Variants in CDCA2 observed in about 807,000 individuals in gnomAD.
CDCA2 encodes cell division cycle-associated protein 2.
CDCA2 carries 44 observed loss-of-function variants against 67.0 expected under a neutral mutation model. The ratio of observed to expected loss-of-function variants is 0.66; its 90% CI spans 0.52 to 0.84. The LOEUF is 0.84. Among genes scored for constraint, CDCA2 ranks in the 40% least tolerant of loss-of-function variants. The pLI, the probability that CDCA2 is intolerant of heterozygous loss-of-function variation, is 0.00. For missense variants in CDCA2, 1,253 were observed against 1,203.2 expected, an observed-to-expected ratio of 1.04 and a Z score of -0.61; for synonymous variants, 447 against 418.7, an observed-to-expected ratio of 1.07 and a Z score of -0.82.
chr8:25,504,252 T>A (rs1455809481), intron 14 of CDCA2, among the ~76,000 whole-genome samples: 1 of 152,056 alleles, frequency 6.6e-6, no homozygotes, highest in Non-Finnish European at 1.5e-5. Context: ...ATGCCCAAAT[T>A]TTAAATGGAC....
chr8:25,481,233 C>CAAAAAAAAA (rs11438950), intron 8 of CDCA2, among the ~76,000 whole-genome samples: 1 of 128,760 alleles, frequency 7.8e-6, no homozygotes. Flanking sequence ...CAGTCTGGGA[C>CAAAAAAAAA]AAAAAAAAAA....
In CDCA2 at chr8:25,487,336, T is replaced by C. The variant is rs202194290; in HGVS notation, c.1533+2T>C. 3.5e-5 allele frequency: 55 copies of C among 1,573,324 alleles called. No individual in the cohort carries two copies. The highest frequency in any genetic ancestry group is 4.5e-5 in the Non-Finnish European group (52 of 1,145,698). ...ACAAGGACTTCTAACAGAAGAAATG[T>C]AAGTGTTTGTGTTTGGCACAACGTA... is the stretch of plus-strand genomic sequence containing the variant. On this transcript the variant is annotated splice_donor_variant, in intron 12 of 14. Transcript: ENST00000330560. LOFTEE classifies it high-confidence loss of function.
intron 7 of CDCA2, chr8:25,479,643 A>G: frequency 2.1e-6 from 1 of 469,862 alleles, no homozygotes; most frequent in Non-Finnish European, 3.9e-6. Context: ...CCTTCTTTCA[A>G]CCTCTGACTC....
At position 25,488,676 on chromosome 8, in the gene CDCA2, C is replaced by T; in HGVS notation, c.1658C>T (p.Pro553Leu). Residue 553 changes from proline to leucine, a missense_variant, in exon 13 of 15, where the codon CCT becomes CTT. Pro to Leu is a moderately conservative substitution (Grantham distance 98). Coordinates refer to ENST00000330560, the MANE Select transcript of CDCA2 (RefSeq NM_152562.4). ...ACAAAGTGTACAAAGAGAGCACTTC[C>T]TAAGAAGAGTCAGGTAAGCATGTGT... is the stretch of plus-strand genomic sequence containing the variant. ...QETKCTKRAL[P>L]KKSQVLKSCR... 6.2e-7 allele frequency: 1 copy of T among 1,604,958 alleles called. No homozygotes were observed. Among genetic ancestry groups the T allele is most frequent in the East Asian group, 2.2e-5 (1 of 44,496 alleles).
At chr8:25,503,649 C>A in intron 14 of CDCA2, 105 bp downstream of exon 14, 2 of 1,137,440 alleles carry the variant, frequency 1.8e-6, no homozygotes, top group Non-Finnish European at 2.5e-6. Context: ...GTAAAGAGTA[C>A]GTAAATTTTA....
intron 4 of CDCA2, among the ~76,000 whole-genome samples, chr8:25,465,855 G>A (rs774393086): frequency 6.6e-6 from 1 of 152,180 alleles, no homozygotes; most frequent in Non-Finnish European, 1.5e-5. Context: ...GATACATCCA[G>A]CACAACATTT....
chr8:25,469,869 G>A (rs1586473813), intron 6 of CDCA2, 27 bp from the exon 7 acceptor site: 1 of 1,465,372 alleles, frequency 6.8e-7, no homozygotes, highest in Non-Finnish European at 9.5e-7. Flanking sequence ...TTAATAAAAT[G>A]TAATACTCTT....
rs1372649307 is a variant in CDCA2 at position 25,507,271 on chromosome 8, C to A, written c.2605C>A (p.Leu869Met). Residue 869 changes from leucine (L) to methionine (M), a missense_variant, in exon 15 of 15, where the codon CTG becomes ATG. Leu to Met is a conservative substitution (Grantham distance 15). Coordinates refer to ENST00000330560, the MANE Select transcript of CDCA2 (RefSeq NM_152562.4). ...AGAAATTAGTTTAGAAAATTCTGAA[C>A]TGTTTAAAGATTTGTCTGATGCCAT... The part of the protein sequence containing the change: ...SVEISLENSE[L>M]FKDLSDAIEQ... The A allele has an allele frequency of 6.2e-7, 1 of 1,614,120 alleles. No homozygotes were observed. The highest frequency in any genetic ancestry group is 8.5e-7 in the Non-Finnish European group (1 of 1,180,034).
intron 13 of CDCA2, among the ~76,000 whole-genome samples, chr8:25,498,098 A>T (rs1804308104): frequency 6.6e-6 from 1 of 152,080 alleles, no homozygotes. Flanking sequence ...TCCTGATTAG[A>T]ACAGTTGTTT....
chr8:25,500,671 T>TAA (rs905470180), intron 13 of CDCA2, among the ~76,000 whole-genome samples: 1 of 151,980 alleles, frequency 6.6e-6, no homozygotes, highest in African/African-American at 2.4e-5. Context: ...CATGCCTGGC[T>TAA]AAAAAAAATA....
At chr8:25,491,754 C>G (rs564756713) in intron 13 of CDCA2, among the ~76,000 whole-genome samples, 2 of 152,014 alleles carry the variant, frequency 1.3e-5, no homozygotes, top group South Asian at 4.1e-4. Flanking sequence ...GTAGCTGGGA[C>G]TACAGGTGCA....
chr8:25,484,251 T>G (rs754200401), intron 10 of CDCA2, 41 bp downstream of exon 10: 25 of 1,602,406 alleles, frequency 1.6e-5, no homozygotes, highest in Non-Finnish European at 2.0e-5. Flanking sequence ...CATATGTATT[T>G]TCATCAGGCT....
chr8:25,500,049 GTAA>G, intron 13 of CDCA2, among the ~76,000 whole-genome samples: 1 of 152,224 alleles, frequency 6.6e-6, no homozygotes, highest in African/African-American at 2.4e-5. Context: ...AGGTGGGGTG[GTAA>G]TATACTTCTC....
intron 10 of CDCA2, among the ~76,000 whole-genome samples, chr8:25,485,179 G>GTAT (rs1803719563): frequency 1.2e-5 from 1 of 82,034 alleles, no homozygotes; most frequent in Non-Finnish European, 2.4e-5. Flanking sequence ...AAAACTTAAA[G>GTAT]TATAATAATA....
chr8:25,500,962 T>A (rs931129402), intron 13 of CDCA2, among the ~76,000 whole-genome samples: 20 of 152,304 alleles, frequency 1.3e-4, no homozygotes, highest in Admixed American at 6.5e-4. Flanking sequence ...CCATTTTTTT[T>A]ATTTATTTAT....
intron 13 of CDCA2, 93 bp from the exon 14 acceptor site, chr8:25,503,280 C>T (rs1346763522): frequency 1.1e-6 from 1 of 943,550 alleles, no homozygotes; most frequent in Non-Finnish European, 1.6e-6. Flanking sequence ...GAGACCCTGT[C>T]TCAAAAATAA....
At chr8:25,496,994 A>G (rs1804248536) in intron 13 of CDCA2, among the ~76,000 whole-genome samples, 1 of 152,164 alleles carries the variant, frequency 6.6e-6, no homozygotes, top group African/African-American at 2.4e-5. Flanking sequence ...AATGTTACAT[A>G]TTATTTAGAA....
intron 14 of CDCA2, among the ~76,000 whole-genome samples, chr8:25,504,312 A>G (rs1333268481): frequency 1.4e-5 from 2 of 144,086 alleles, no homozygotes; most frequent in Non-Finnish European, 3.0e-5. Context: ...TTTAATTTTT[A>G]GTAGAGATGG....
intron 4 of CDCA2, 140 bp downstream of exon 4, chr8:25,462,348 C>G: frequency 1.1e-6 from 1 of 938,626 alleles, no homozygotes; most frequent in South Asian, 1.7e-5. Flanking sequence ...AGTTAGCGGC[C>G]GGGCGCGGTG....
Sources: gnomAD v4.1 joint callset for allele counts (sites outside exome capture counted in the v4.1 genomes callset) on GRCh38, gnomAD v4.1.1 for gene constraint, MANE v1.5 for transcripts, NCBI Gene and HGNC (gene_info 2026-07-23, HGNC 2026-07-21) for gene names.